CACNA2D1: variants seen among roughly 807,000 people sequenced by gnomAD.
The protein encoded by CACNA2D1 is voltage-dependent calcium channel subunit alpha-2/delta-1.
In CACNA2D1, 53 loss-of-function variants were observed where a neutral mutation model predicts 171.5. The observed-to-expected ratio is 0.31, with a 90% confidence interval of 0.25 to 0.39. CACNA2D1 has a LOEUF of 0.39. CACNA2D1 is among the 10% of genes least tolerant of loss of function. The pLI is 1.00. For synonymous variants in CACNA2D1, 442 were observed against 443.1 expected (o/e 1.00, Z 0.03); for missense variants, 903 against 1,299.8 (o/e 0.69, Z 4.69).
chr7:82,136,728 C>A, intron 4 of CACNA2D1, 52 bp from the exon 5 acceptor site: 1 of 1,183,408 alleles, frequency 8.5e-7, no homozygotes, highest in Non-Finnish European at 1.2e-6. Flanking sequence ...AATACTGTAT[C>A]AAATACTGAA....
intron 3 of CACNA2D1, among the ~76,000 whole-genome samples, chr7:82,290,184 G>C (rs1353302049): frequency 6.6e-6 from 1 of 152,130 alleles, no homozygotes; most frequent in Non-Finnish European, 1.5e-5. Flanking sequence ...AGTTAATGAA[G>C]TTCTGAACTA....
At chr7:82,361,359 A>G (rs1393599449) in intron 1 of CACNA2D1, among the ~76,000 whole-genome samples, 1 of 152,188 alleles carries the variant, frequency 6.6e-6, no homozygotes, top group Non-Finnish European at 1.5e-5. Context: ...CAAATGGCAA[A>G]AAAGTTACAA....
rs546038319 is a variant in CACNA2D1 at position 82,310,133 on chromosome 7, A to T, written c.294+25002T>A. The stretch of plus-strand genomic sequence containing the variant: ...CTAGGAAAACATATCTTTCTTACAA[A>T]TTATGAAATGGTTTTCATCTACAAA... On this transcript the variant is annotated intron_variant, in intron 3 of 38. Coordinates refer to ENST00000356860, the MANE Select transcript of CACNA2D1 (RefSeq NM_000722.4). 3.0e-4 allele frequency among the ~76,000 whole-genome samples: 45 copies of T among 152,192 alleles called. No individual in the cohort carries two copies. In the East Asian group the frequency reaches 8.3e-3, roughly 28 times the overall value.
intron 5 of CACNA2D1, among the ~76,000 whole-genome samples, chr7:82,117,934 C>G (rs994586615): frequency 6.6e-6 from 1 of 152,024 alleles, no homozygotes; most frequent in Non-Finnish European, 1.5e-5. Context: ...GATTCTTTGA[C>G]AAATAATGGT....
chr7:82,040,803 C>T (rs1343484357), intron 10 of CACNA2D1, among the ~76,000 whole-genome samples: 4 of 151,918 alleles, frequency 2.6e-5, no homozygotes, highest in African/African-American at 9.7e-5. Flanking sequence ...GGAGAAACCC[C>T]GTCTCTACTA....
intron 15 of CACNA2D1, chr7:82,009,361 G>A (rs1483993268): frequency 6.6e-6 from 1 of 151,986 alleles, no homozygotes; most frequent in East Asian, 1.9e-4. Context: ...GACACATGTT[G>A]GCGCTTATAA....
intron 6 of CACNA2D1, among the ~76,000 whole-genome samples, chr7:82,107,220 C>T (rs1427351513): frequency 6.6e-6 from 1 of 152,028 alleles, no homozygotes; most frequent in East Asian, 1.9e-4. Flanking sequence ...TTCTGGGGAG[C>T]AAATCCAAAA....
intron 10 of CACNA2D1, among the ~76,000 whole-genome samples, 174 bp downstream of exon 10, chr7:82,060,254 A>T (rs1363919897): frequency 1.1e-4 from 9 of 78,874 alleles, no homozygotes; most frequent in African/African-American, 3.4e-4. Context: ...AAAAAACCTT[A>T]AAAAAAGAAT....
At chr7:82,145,587 A>T (rs896855742) in intron 4 of CACNA2D1, among the ~76,000 whole-genome samples, 11 of 142,952 alleles carry the variant, frequency 7.7e-5, no homozygotes, top group African/African-American at 2.3e-4. Context: ...TATAAAATTT[A>T]TATATGTAAT....
intron 12 of CACNA2D1, among the ~76,000 whole-genome samples, chr7:82,032,210 C>G (rs954655457): frequency 6.6e-6 from 1 of 151,932 alleles, no homozygotes; most frequent in African/African-American, 2.4e-5. Flanking sequence ...ATTCCAACTA[C>G]AAACACTAAT....
chr7:82,042,318 G>A (rs1804064348), intron 10 of CACNA2D1, among the ~76,000 whole-genome samples: 3 of 152,034 alleles, frequency 2.0e-5, no homozygotes, highest in Non-Finnish European at 2.9e-5. Flanking sequence ...TTGATAACAC[G>A]TGCCTACATA....
chr7:82,245,658 T>TCACACACACACACA (rs1276289238), intron 3 of CACNA2D1, among the ~76,000 whole-genome samples: 4 of 60,180 alleles, frequency 6.6e-5, no homozygotes, highest in African/African-American at 1.6e-4. Flanking sequence ...TCTCTCTCTC[T>TCACACACACACACA]CTCTCACACA....
chr7:82,101,291 A>G (rs1812648217), intron 6 of CACNA2D1, among the ~76,000 whole-genome samples: 1 of 152,202 alleles, frequency 6.6e-6, no homozygotes, highest in Non-Finnish European at 1.5e-5. Flanking sequence ...AAAGTCTCCA[A>G]TATTATCATT....
chr7:82,432,231 C>T (rs1563545154), intron 1 of CACNA2D1, among the ~76,000 whole-genome samples: 1 of 152,054 alleles, frequency 6.6e-6, no homozygotes, highest in East Asian at 1.9e-4. Context: ...GAAAAAAGAG[C>T]AAAGTCACAA....
At chr7:82,360,529 G>A (rs1039901448) in intron 1 of CACNA2D1, among the ~76,000 whole-genome samples, 1 of 152,086 alleles carries the variant, frequency 6.6e-6, no homozygotes, top group African/African-American at 2.4e-5. Flanking sequence ...GACATCCTCA[G>A]TGTTATGCAT....
chr7:82,362,408 T>G (rs959042037), intron 1 of CACNA2D1, among the ~76,000 whole-genome samples: 1 of 152,168 alleles, frequency 6.6e-6, no homozygotes, highest in Non-Finnish European at 1.5e-5. Flanking sequence ...CCCACAGGCC[T>G]GACAACCCTT....
chr7:81,971,702 C>G (rs1795293930), intron 26 of CACNA2D1, 75 bp downstream of exon 26: 1 of 828,958 alleles, frequency 1.2e-6, no homozygotes, highest in African/African-American at 1.7e-5. Flanking sequence ...TTATGAGATT[C>G]ATACCCAATT....
intron 6 of CACNA2D1, among the ~76,000 whole-genome samples, chr7:82,106,181 T>A (rs990007023): frequency 1.2e-4 from 19 of 152,176 alleles, no homozygotes; most frequent in Non-Finnish European, 2.5e-4. Context: ...TTTAGAAATA[T>A]CTTTTAAATG....
At chr7:82,073,731 G>C (rs1423678944) in intron 7 of CACNA2D1, among the ~76,000 whole-genome samples, 3 of 152,102 alleles carry the variant, frequency 2.0e-5, no homozygotes, top group Non-Finnish European at 2.9e-5. Context: ...CTACCGAGTA[G>C]CTGGGATTAC....
Sources: gnomAD v4.1 joint callset for allele counts (sites outside exome capture counted in the v4.1 genomes callset) on GRCh38, gnomAD v4.1.1 for gene constraint, MANE v1.5 for transcripts, NCBI Gene and HGNC (gene_info 2026-07-23, HGNC 2026-07-21) for gene names.